The following BRIP1 variants were observed in gnomAD, a reference collection of about 807,000 sequenced individuals.
BRIP1 encodes the protein BRCA1 interacting DNA helicase 1.
BRIP1 carries 88 observed loss-of-function variants against 119.7 expected under a neutral mutation model. The ratio of observed to expected loss-of-function variants is 0.74; its 90% CI spans 0.62 to 0.88. The LOEUF is 0.88. Ranked by LOEUF, BRIP1 falls within the 40% of genes least tolerant of loss-of-function variation. BRIP1 has a pLI of 0.00. For missense variants in BRIP1, 1,259 were observed against 1,455.4 expected (o/e 0.87, Z 2.20); for synonymous variants, 443 against 496.5 (o/e 0.89, Z 1.43).
At chr17:61,781,745 A>AC (rs2077622624) in intron 11 of BRIP1, among the ~76,000 whole-genome samples, 1 of 151,430 alleles carries the variant, frequency 6.6e-6, no homozygotes. Flanking sequence ...ACATGGTGAA[A>AC]CCCCGTCTCT....
intron 9 of BRIP1, among the ~76,000 whole-genome samples, chr17:61,797,599 A>G (rs958582905): frequency 2.1e-4 from 32 of 152,202 alleles, no homozygotes; most frequent in African/African-American, 6.5e-4. Flanking sequence ...CTGTAAAATA[A>G]AAACCACAAA....
chr17:61,806,968 C>T lies in BRIP1; in HGVS notation c.918+1499G>A, dbSNP rs1033479781. Among the ~76,000 whole-genome samples the T allele has an allele frequency of 3.9e-5, 6 of 152,228 alleles. No individual in the cohort carries two copies. Among genetic ancestry groups the T allele is most frequent in the African/African-American group, 7.2e-5 (3 of 41,460 alleles). On this transcript the variant is annotated intron_variant, in intron 7 of 19. Coordinates refer to ENST00000259008, the MANE Select transcript of BRIP1 (RefSeq NM_032043.3). This position sits in a 1 kb window ranked among gnomAD's most constrained non-coding sequence, Gnocchi z 4.9. ...TCTGCCTCCCAAAGTGCTGGGATTA[C>T]AGGCATGAACCATCAGGCCCAGCCA...
rs2077186262 is a variant in BRIP1, at chr17:61,755,318, G to T, written c.2098-10727C>A. Among the ~76,000 whole-genome samples, 1 of 152,106 alleles carries T rather than the reference G, an allele frequency of 6.6e-6. No individual in the cohort carries two copies. Among genetic ancestry groups the T allele is most frequent in the African/African-American group, 2.4e-5 (1 of 41,420 alleles). On this transcript the variant is annotated intron_variant, in intron 14 of 19. Transcript: ENST00000259008. This position sits in a 1 kb window ranked among gnomAD's most constrained non-coding sequence, Gnocchi z 4.5. ...CCCACACCTGTAATCCCAGCACTTT[G>T]AGATGCTGAGGCTGGAGGATCACTT... is the stretch of plus-strand genomic sequence containing the variant.
chr17:61,736,236 G>A lies in BRIP1; in HGVS notation c.2379+6777C>T, dbSNP rs954884337. On this transcript the variant is annotated intron_variant, in intron 16 of 19. Transcript: ENST00000259008. This position sits in a 1 kb window ranked among gnomAD's most constrained non-coding sequence, Gnocchi z 4.4. ...CTAGCTACCCAGGAGACTGAGGCAG[G>A]AGGATCAATTGAGCCCATGAGCTCA... Among the ~76,000 whole-genome samples, 3 of 152,144 alleles carry A rather than the reference G, an allele frequency of 2.0e-5. No homozygotes were observed. The highest frequency in any genetic ancestry group is 6.5e-5 in the Admixed American group (1 of 15,290).
At chr17:61,787,169 A>C (rs1461990432) in intron 10 of BRIP1, among the ~76,000 whole-genome samples, 1 of 96,646 alleles carries the variant, frequency 1.0e-5, no homozygotes, top group African/African-American at 4.4e-5. Context: ...TATACTATAT[A>C]AAATATATAA....
chr17:61,715,909 C>T (rs1197073323), intron 17 of BRIP1, 42 bp downstream of exon 17: 2 of 1,259,954 alleles, frequency 1.6e-6, no homozygotes, highest in Non-Finnish European at 1.2e-6. Flanking sequence ...ATATATATAG[C>T]CCTGTCACAG....
chr17:61,728,325 A>C (rs374369935), intron 16 of BRIP1, among the ~76,000 whole-genome samples: 5,943 of 151,708 alleles, frequency 0.039, 438 homozygotes, highest in African/African-American at 0.14. Context: ...AAAAAAAAAA[A>C]AAAACCCCAG....
chr17:61,698,955 G>T (rs1029113679), intron 17 of BRIP1, among the ~76,000 whole-genome samples: 2 of 152,044 alleles, frequency 1.3e-5, no homozygotes, highest in South Asian at 2.1e-4. Flanking sequence ...AAGCTCAAGC[G>T]ATCTGCCCAC....
At chr17:61,728,592 G>T (rs2144544952) in intron 16 of BRIP1, among the ~76,000 whole-genome samples, 1 of 152,324 alleles carries the variant, frequency 6.6e-6, no homozygotes, top group East Asian at 1.9e-4. Flanking sequence ...CTCAGGAAAT[G>T]GAGGTATAAG....
Position 61,742,890 on chromosome 17 carries a change from A to C in BRIP1, c.2379+123T>G, listed in dbSNP as rs2077004088. On this transcript the variant is annotated intron_variant, in intron 16 of 19. Transcript: ENST00000259008. This position sits in a 1 kb window ranked among gnomAD's most constrained non-coding sequence, Gnocchi z 4.7. ...CTTGCACAATGCAGGGTTACCATAA[A>C]CCTTCAATTTGTAAAAAAGCACTAT... is the stretch of plus-strand genomic sequence containing the variant. 1 of 1,263,406 alleles carries C rather than the reference A, an allele frequency of 7.9e-7. No homozygotes were observed. Among genetic ancestry groups the C allele is most frequent in the Non-Finnish European group, 1.1e-6 (1 of 878,126 alleles). 78.3% of individuals were successfully genotyped at this position (1,263,406 alleles called of 1,614,324 possible).
chr17:61,861,388 C>A lies in BRIP1; in HGVS notation c.93+59G>T, dbSNP rs1450253828. The A allele has an allele frequency of 8.9e-7, 1 of 1,128,214 alleles. No homozygotes were observed. The highest frequency in any genetic ancestry group is 2.4e-5 in the East Asian group (1 of 42,206). The allele number at this position is 1,128,214 out of a possible 1,614,324, so 69.9% of individuals were successfully genotyped here. A position where few individuals can be genotyped will look rare whatever the true frequency, so the allele number is the denominator to read the frequency against. ...TGAATGCAGTCAAATACTCAATGTA[C>A]TTTATGGGTCATAAGTATCTATATC... is the stretch of plus-strand genomic sequence containing the variant. On this transcript the variant is annotated intron_variant, in intron 2 of 19. Transcript: ENST00000259008. This position sits in a 1 kb window ranked among gnomAD's most constrained non-coding sequence, Gnocchi z 4.5.
intron 6 of BRIP1, among the ~76,000 whole-genome samples, chr17:61,812,092 C>A (rs1289726717): frequency 6.6e-6 from 1 of 152,078 alleles, no homozygotes; most frequent in Non-Finnish European, 1.5e-5. Flanking sequence ...ACTTTCAATG[C>A]TCTAAGAAAA....
intron 16 of BRIP1, among the ~76,000 whole-genome samples, chr17:61,727,980 T>C (rs2076791559): frequency 6.6e-6 from 1 of 151,578 alleles, no homozygotes; most frequent in African/African-American, 2.4e-5. Flanking sequence ...AGGTGTGTGC[T>C]ATGACGCCCG....
At chr17:61,854,813 T>C (rs1424869132) in intron 4 of BRIP1, among the ~76,000 whole-genome samples, 2 of 151,842 alleles carry the variant, frequency 1.3e-5, no homozygotes, top group Non-Finnish European at 2.9e-5. Context: ...CATACAAAGA[T>C]GTAGACACAA....
rs571077620 is a variant in BRIP1, at chr17:61,799,919, T to C, written c.1141-620A>G. 5.7e-4 allele frequency among the ~76,000 whole-genome samples: 86 copies of C among 152,134 alleles called. No homozygotes were observed. The highest frequency in any genetic ancestry group is 1.0e-3 in the South Asian group (5 of 4,816). Reference sequence around the variant, plus strand: ...CCTGTGAATCAAAGGACATCACCACTTTCACAATGGGGGTAAGGCCCAGGA... The same window carrying C: ...CCTGTGAATCAAAGGACATCACCACCTTCACAATGGGGGTAAGGCCCAGGA... On this transcript the variant is annotated intron_variant, in intron 8 of 19. Transcript: ENST00000259008. This position sits in a 1 kb window ranked among gnomAD's most constrained non-coding sequence, Gnocchi z 5.1.
At chr17:61,850,068 A>G (rs145657274) in intron 4 of BRIP1, among the ~76,000 whole-genome samples, 280 of 149,452 alleles carry the variant, frequency 1.9e-3, no homozygotes, top group African/African-American at 6.5e-3. Flanking sequence ...CTCCACTCCC[A>G]TGGCTTGAAT....
In BRIP1 at chr17:61,691,517, G is replaced by A. The variant is rs143818151; in HGVS notation, c.2575+1913C>T. Among the ~76,000 whole-genome samples the A allele has an allele frequency of 6.4e-3, 980 of 152,182 alleles. 10 individuals carry two copies. Among genetic ancestry groups the A allele is most frequent in the African/African-American group, 0.022 (915 of 41,524 alleles). On this transcript the variant is annotated intron_variant, in intron 18 of 19. Transcript: ENST00000259008. This position sits in a 1 kb window ranked among gnomAD's most constrained non-coding sequence, Gnocchi z 5.0. ...GTTGCCCAGGCTAGAGTGCAGTGGC[G>A]CGGTCTTGGCTCACTGCAACCTCCG...
At chr17:61,812,374 A>G (rs191718535) in intron 6 of BRIP1, among the ~76,000 whole-genome samples, 55 of 152,304 alleles carry the variant, frequency 3.6e-4, no homozygotes, top group African/African-American at 1.3e-3. Flanking sequence ...ACTAGAGAAT[A>G]AATTTTATAA....
At chr17:61,790,870 G>A (rs187007418) in intron 10 of BRIP1, among the ~76,000 whole-genome samples, 8 of 151,944 alleles carry the variant, frequency 5.3e-5, no homozygotes, top group East Asian at 3.9e-4. Flanking sequence ...CAAGCAATCC[G>A]CCAGCCTCAG....
Sources: allele counts gnomAD v4.1 joint callset (sites outside exome capture counted in the v4.1 genomes callset), GRCh38; gene constraint gnomAD v4.1.1; non-coding constraint Gnocchi (gnomAD v3.1); transcripts MANE v1.5; gene names NCBI Gene and HGNC (gene_info 2026-07-23, HGNC 2026-07-21).